Variants in GLIS3 observed in about 807,000 individuals in gnomAD.
GLIS3 encodes GLIS family zinc finger 3.
Under a neutral mutation model 78.6 loss-of-function variants are expected in GLIS3, and 53 were observed. That is an observed-to-expected ratio of 0.67 (90% CI 0.54 to 0.85). The LOEUF (loss-of-function observed/expected upper bound fraction) is 0.85. GLIS3 is among the 40% of genes least tolerant of loss of function. GLIS3 has a pLI of 0.00. For synonymous variants in GLIS3, 684 were observed against 509.9 expected (o/e 1.34, Z -4.60); for missense variants, 1,703 against 1,231.1 (o/e 1.38, Z -5.74).
intron 4 of GLIS3, among the ~76,000 whole-genome samples, chr9:4,055,789 T>G (rs1826107489): frequency 6.6e-6 from 1 of 152,218 alleles, no homozygotes; most frequent in African/African-American, 2.4e-5. Flanking sequence ...AACTTCCAGC[T>G]TCATTGGAGG....
chr9:3,878,253 A>G (rs373547468), intron 8 of GLIS3, among the ~76,000 whole-genome samples: 1 of 151,646 alleles, frequency 6.6e-6, no homozygotes, highest in African/African-American at 2.4e-5. Context: ...TCTCTATTAC[A>G]TCATTTAACC....
At chr9:3,857,665 C>T (rs970622744) in intron 8 of GLIS3, among the ~76,000 whole-genome samples, 1 of 152,198 alleles carries the variant, frequency 6.6e-6, no homozygotes, top group Non-Finnish European at 1.5e-5. Flanking sequence ...TGATCATTTA[C>T]ATCTTCATTC....
chr9:3,842,984 T>C (rs991804830), intron 9 of GLIS3, among the ~76,000 whole-genome samples: 1 of 152,168 alleles, frequency 6.6e-6, no homozygotes, highest in Non-Finnish European at 1.5e-5. Flanking sequence ...GGGCCTTGAA[T>C]TACACTCTCA....
At chr9:3,903,044 C>G (rs1823427998) in intron 6 of GLIS3, among the ~76,000 whole-genome samples, 1 of 152,126 alleles carries the variant, frequency 6.6e-6, no homozygotes, top group Non-Finnish European at 1.5e-5. Context: ...ATGAATATGT[C>G]ATGTTTTGTA....
rs1369464861 is a variant in GLIS3, at chr9:4,137,673, A to G, written c.389-11732T>C. On this transcript the variant is annotated intron_variant, in intron 2 of 10. Coordinates refer to ENST00000381971, the MANE Select transcript of GLIS3 (RefSeq NM_001042413.2). ...GCAATATTCCTGGAGTTTGTATTCTAAAGTCCCATCCGTCAGCTATTGTAT... is the reference window on the plus strand; with the variant it reads ...GCAATATTCCTGGAGTTTGTATTCTGAAGTCCCATCCGTCAGCTATTGTAT... 3.3e-5 allele frequency among the ~76,000 whole-genome samples: 5 copies of G among 152,182 alleles called. No homozygotes were observed. In the East Asian group the frequency reaches 7.7e-4, roughly 23 times the overall value.
At chr9:4,171,738 AG>A (rs1231906173) in intron 2 of GLIS3, among the ~76,000 whole-genome samples, 2 of 152,250 alleles carry the variant, frequency 1.3e-5, no homozygotes, top group African/African-American at 2.4e-5. Flanking sequence ...GATTAAGCTT[AG>A]AACTTGGTCT....
intron 3 of GLIS3, among the ~76,000 whole-genome samples, chr9:4,125,109 A>T (rs1234565243): frequency 6.6e-6 from 1 of 152,194 alleles, no homozygotes; most frequent in African/African-American, 2.4e-5. Context: ...TTACTATGGA[A>T]CCTAATCGAC....
At chr9:4,313,639 C>T (rs12554768) in intron 2 of GLIS3, among the ~76,000 whole-genome samples, 1 of 152,142 alleles carries the variant, frequency 6.6e-6, no homozygotes, top group African/African-American at 2.4e-5. Flanking sequence ...ATACTCTGTT[C>T]TTGAGTCAAA....
At chr9:3,867,760 CATGT>C (rs1820694951) in intron 8 of GLIS3, among the ~76,000 whole-genome samples, 7 of 149,562 alleles carry the variant, frequency 4.7e-5, no homozygotes, top group African/African-American at 1.7e-4. Flanking sequence ...TGTGTGAGTG[CATGT>C]GTGTATGCGT....
At chr9:4,285,940 G>C (rs776587217) in intron 2 of GLIS3, 98 bp downstream of exon 2, 1 of 1,405,870 alleles carries the variant, frequency 7.1e-7, no homozygotes, top group African/African-American at 1.4e-5. Context: ...CCCTGACACT[G>C]AATCATGTAT....
intron 2 of GLIS3, among the ~76,000 whole-genome samples, chr9:4,215,398 G>C (rs1043106781): frequency 6.6e-6 from 1 of 152,042 alleles, no homozygotes; most frequent in African/African-American, 2.4e-5. Context: ...TCAACTTACA[G>C]TTGGAGAGGA....
intron 4 of GLIS3, among the ~76,000 whole-genome samples, chr9:4,089,492 T>C (rs571162062): frequency 2.6e-5 from 4 of 152,240 alleles, no homozygotes; most frequent in South Asian, 2.1e-4. Context: ...ATAAAATTGC[T>C]GAGGAATTAT....
At chr9:3,877,071 AGTT>A (rs1821365059) in intron 8 of GLIS3, among the ~76,000 whole-genome samples, 1 of 152,102 alleles carries the variant, frequency 6.6e-6, no homozygotes, top group South Asian at 2.1e-4. Flanking sequence ...TCTTGTTAAG[AGTT>A]GTTATGACTA....
intron 4 of GLIS3, among the ~76,000 whole-genome samples, chr9:4,116,372 T>A (rs1831639351): frequency 6.6e-6 from 1 of 152,224 alleles, no homozygotes; most frequent in Non-Finnish European, 1.5e-5. Context: ...GAGTAAGGTT[T>A]TGCTGTCTGG....
At chr9:4,436,044 A>C in the GLIS3 span, among the ~76,000 whole-genome samples, 2 of 152,242 alleles carry the variant, frequency 1.3e-5, no homozygotes, top group Non-Finnish European at 2.9e-5. Flanking sequence ...AATAGCTGTA[A>C]ATGTTAATAT....
At chr9:4,090,893 C>T (rs201901490) in intron 4 of GLIS3, among the ~76,000 whole-genome samples, 54 of 152,300 alleles carry the variant, frequency 3.5e-4, no homozygotes, top group Admixed American at 1.4e-3. Context: ...ATAGCACAGT[C>T]GTTACAACTG....
intron 7 of GLIS3, among the ~76,000 whole-genome samples, chr9:3,891,775 AG>A (rs1437736809): frequency 1.3e-5 from 2 of 152,130 alleles, no homozygotes; most frequent in Admixed American, 6.5e-5. Flanking sequence ...TTAGTCCTCC[AG>A]AACTATGAAT....
chr9:3,960,923 T>G (rs542798439), intron 4 of GLIS3, among the ~76,000 whole-genome samples: 8 of 152,350 alleles, frequency 5.3e-5, no homozygotes, highest in African/African-American at 1.7e-4. Context: ...TTTGTAAGGC[T>G]AAAGAAGTGG....
At chr9:4,188,840 A>G (rs1416486245) in intron 2 of GLIS3, among the ~76,000 whole-genome samples, 1 of 151,824 alleles carries the variant, frequency 6.6e-6, no homozygotes, top group Admixed American at 6.6e-5. Context: ...ATCGGTGGTG[A>G]TATCTCCTTT....
Sources: gnomAD v4.1 joint callset for allele counts (sites outside exome capture counted in the v4.1 genomes callset) on GRCh38, gnomAD v4.1.1 for gene constraint, MANE v1.5 for transcripts, NCBI Gene and HGNC (gene_info 2026-07-23, HGNC 2026-07-21) for gene names.